CADPS: variants seen among roughly 807,000 people sequenced by gnomAD.
The protein encoded by CADPS is calcium-dependent secretion activator 1.
CADPS carries 57 observed loss-of-function variants against 167.3 expected under a neutral mutation model. The observed-to-expected ratio is 0.34, with a 90% CI of 0.28 to 0.42. The LOEUF (loss-of-function observed/expected upper bound fraction) is 0.42, where lower values mean the gene tolerates loss of function less well. CADPS is among the 20% of genes least tolerant of loss of function. The pLI is 1.00. For synonymous variants in CADPS, 676 were observed against 635.3 expected (o/e 1.06, Z -0.96); for missense variants, 1,414 against 1,738.1 (o/e 0.81, Z 3.32).
chr3:62,806,764 T>A (rs1047532239), intron 1 of CADPS, among the ~76,000 whole-genome samples: 4 of 152,074 alleles, frequency 2.6e-5, no homozygotes, highest in South Asian at 2.1e-4. Flanking sequence ...GTGATTTTTT[T>A]AAAAAAGGAA....
Position 62,474,170 on chromosome 3 carries a change from T to TTTTTTTTTTTTTAC in CADPS, c.3477+2_3477+3insGTAAAAAAAAAAAA. On this transcript the variant is annotated splice_region_variant and intron_variant, in intron 24 of 29. Transcript: ENST00000383710. ...AAATCTGTATTTTTTTTTTTTTTTT[T>TTTTTTTTTTTTTAC]ACCTCTTGGCCCATTTCCATGCTGC... 2.0e-6 allele frequency: 3 copies of TTTTTTTTTTTTTAC among 1,475,386 alleles called. No individual in the cohort carries two copies. The highest frequency in any genetic ancestry group is 2.7e-6 in the Non-Finnish European group (3 of 1,105,876). The allele number at this position is 1,475,386 out of a possible 1,614,324, so 91.4% of individuals were successfully genotyped here.
At chr3:62,460,793 G>A (rs2059245960) in intron 26 of CADPS, among the ~76,000 whole-genome samples, 1 of 152,158 alleles carries the variant, frequency 6.6e-6, no homozygotes, top group South Asian at 2.1e-4. Flanking sequence ...GGAAAACAGG[G>A]TGAATGAGAG....
rs573942779 is a variant in CADPS at position 62,413,261 on chromosome 3, G to T, written c.3778-10076C>A. 3.3e-5 allele frequency among the ~76,000 whole-genome samples: 5 copies of T among 152,226 alleles called. No homozygotes were observed. In the South Asian group the frequency reaches 1.0e-3, roughly 32 times the overall value. ...AGTACCATTATACTTACTCAAAAGT[G>T]GAACTTTTGAGTATAGATGCAAAAA... On this transcript the variant is annotated intron_variant, in intron 28 of 29. Coordinates refer to ENST00000383710, the MANE Select transcript of CADPS (RefSeq NM_003716.4).
At chr3:62,632,449 A>G (rs139901928) in intron 6 of CADPS, among the ~76,000 whole-genome samples, 13 of 152,234 alleles carry the variant, frequency 8.5e-5, no homozygotes, top group African/African-American at 2.9e-4. Flanking sequence ...CAAAGTATGC[A>G]TTTTTCCTCC....
At chr3:62,705,991 C>T (rs887647909) in intron 3 of CADPS, among the ~76,000 whole-genome samples, 7 of 152,098 alleles carry the variant, frequency 4.6e-5, no homozygotes, top group Admixed American at 2.6e-4. Flanking sequence ...TTAGTGATGG[C>T]GTCCAAGGCC....
intron 9 of CADPS, among the ~76,000 whole-genome samples, chr3:62,567,558 G>C (rs1170464009): frequency 2.5e-5 from 3 of 120,922 alleles, no homozygotes; most frequent in Non-Finnish European, 3.3e-5. Context: ...CCATGACTAA[G>C]CACTGCTTTT....
intron 4 of CADPS, among the ~76,000 whole-genome samples, chr3:62,658,866 G>C (rs2072418344): frequency 6.6e-6 from 1 of 152,164 alleles, no homozygotes; most frequent in African/African-American, 2.4e-5. Flanking sequence ...TTAGCATTGT[G>C]AATTTGCAGG....
At chr3:62,570,237 T>G (rs1231656296) in intron 9 of CADPS, among the ~76,000 whole-genome samples, 5 of 57,344 alleles carry the variant, frequency 8.7e-5, no homozygotes, top group Admixed American at 2.3e-4. Context: ...TTTGTTTCAG[T>G]TAAAAAAAAA....
At chr3:62,606,546 C>T (rs546796859) in intron 6 of CADPS, among the ~76,000 whole-genome samples, 1 of 152,310 alleles carries the variant, frequency 6.6e-6, no homozygotes, top group South Asian at 2.1e-4. Context: ...TTCTCAGCCT[C>T]CATGACTGTA....
intron 3 of CADPS, among the ~76,000 whole-genome samples, chr3:62,720,356 A>G (rs1253299578): frequency 7.2e-6 from 1 of 138,352 alleles, no homozygotes. Context: ...TTTTTGAAAC[A>G]CGGTATCGCT....
At chr3:62,854,236 T>C (rs1191859242) in intron 1 of CADPS, among the ~76,000 whole-genome samples, 2 of 152,218 alleles carry the variant, frequency 1.3e-5, no homozygotes, top group South Asian at 2.1e-4. Flanking sequence ...GTGGTTGGAA[T>C]TGATAGACTA....
intron 6 of CADPS, among the ~76,000 whole-genome samples, chr3:62,599,407 C>T (rs936559582): frequency 1.4e-5 from 2 of 145,672 alleles, no homozygotes; most frequent in Non-Finnish European, 1.5e-5. Context: ...TGACAAATCA[C>T]AGAATTGGGC....
intron 3 of CADPS, among the ~76,000 whole-genome samples, chr3:62,688,151 C>T (rs144503511): frequency 1.5e-3 from 228 of 152,090 alleles, no homozygotes; most frequent in Middle Eastern, 0.01. Flanking sequence ...AATAGTTCTG[C>T]GTTGCAGGGC....
chr3:62,811,280 C>A (rs568390412), intron 1 of CADPS, among the ~76,000 whole-genome samples: 232 of 152,064 alleles, frequency 1.5e-3, no homozygotes, highest in African/African-American at 5.3e-3. Context: ...CTCCTCCTAC[C>A]AGCCAATCTT....
chr3:62,661,781 T>C (rs918353717), intron 4 of CADPS, among the ~76,000 whole-genome samples: 22 of 151,982 alleles, frequency 1.4e-4, no homozygotes, highest in African/African-American at 5.3e-4. Flanking sequence ...AAAGCACCAG[T>C]AGTAGGGCTG....
chr3:62,487,773 C>T (rs2063064817), intron 21 of CADPS, among the ~76,000 whole-genome samples: 1 of 152,088 alleles, frequency 6.6e-6, no homozygotes, highest in South Asian at 2.1e-4. Context: ...TTAATTGTAT[C>T]AAGCCTAAAT....
Position 62,428,707 on chromosome 3 carries a change from G to A in CADPS, c.3777+9397C>T, listed in dbSNP as rs77615387. Among the ~76,000 whole-genome samples, 306 of 152,308 alleles carry A rather than the reference G, an allele frequency of 2.0e-3. 1 individual carries two copies. In the East Asian group the frequency reaches 0.045, roughly 23 times the overall value. Reference sequence around the variant, plus strand: ...GTGGCAGGGGGCTGTATTACATCCAGAGAGGAAGGGCTACCTGTATACTTT... The same window carrying A: ...GTGGCAGGGGGCTGTATTACATCCAAAGAGGAAGGGCTACCTGTATACTTT... On this transcript the variant is annotated intron_variant, in intron 28 of 29. Coordinates refer to ENST00000383710, the MANE Select transcript of CADPS (RefSeq NM_003716.4).
chr3:62,846,546 C>A (rs549779633), intron 1 of CADPS, among the ~76,000 whole-genome samples: 1 of 152,294 alleles, frequency 6.6e-6, no homozygotes, highest in East Asian at 1.9e-4. Flanking sequence ...TGAGGAAATA[C>A]ATGATAAACG....
chr3:62,623,003 T>C (rs2063428639), intron 6 of CADPS, among the ~76,000 whole-genome samples: 1 of 152,228 alleles, frequency 6.6e-6, no homozygotes, highest in African/African-American at 2.4e-5. Flanking sequence ...AAAGAGGAAT[T>C]GTAATTATGG....
Sources: gnomAD v4.1 joint callset for allele counts (sites outside exome capture counted in the v4.1 genomes callset) on GRCh38, gnomAD v4.1.1 for gene constraint, MANE v1.5 for transcripts, NCBI Gene and HGNC (gene_info 2026-07-23, HGNC 2026-07-21) for gene names.